The following MYH9 variants were observed in gnomAD, a reference collection of about 807,000 sequenced individuals.
The protein encoded by MYH9 is myosin heavy chain 9, also known as myosin-9.
A neutral mutation model predicts 241.9 loss-of-function variants in MYH9; 29 were observed. That is an observed-to-expected ratio of 0.12 (90% CI 0.09 to 0.16). MYH9 has a LOEUF of 0.16. MYH9 is among the 10% of genes least tolerant of loss of function. The pLI is 1.00. For synonymous variants in MYH9, 1,047 were observed against 1,062.6 expected (o/e 0.99, Z 0.29); for missense variants, 1,803 against 2,595.5 (o/e 0.69, Z 6.63).
chr22:36,372,117 C>T (rs954194957), intron 1 of MYH9, among the ~76,000 whole-genome samples: 2 of 152,074 alleles, frequency 1.3e-5, no homozygotes, highest in African/African-American at 4.8e-5. Flanking sequence ...CCCCACACCC[C>T]ACTTCCTGTT....
At chr22:36,341,590 T>G in intron 2 of MYH9, 64 bp from the exon 3 acceptor site, 10 of 1,585,174 alleles carry the variant, frequency 6.3e-6, no homozygotes, top group Non-Finnish European at 8.6e-6. Context: ...TGTACAAACT[T>G]TGTAGCAAAA....
chr22:36,376,450 C>T (rs2018168430), intron 1 of MYH9, among the ~76,000 whole-genome samples: 1 of 152,002 alleles, frequency 6.6e-6, no homozygotes, highest in African/African-American at 2.4e-5. Flanking sequence ...AGTATCCCAA[C>T]TCCCTGTTGG....
At chr22:36,379,381 T>C (rs1281295364) in intron 1 of MYH9, among the ~76,000 whole-genome samples, 5 of 151,936 alleles carry the variant, frequency 3.3e-5, no homozygotes, top group African/African-American at 2.4e-5. Context: ...TGGTGGCGGG[T>C]GCCTGTAGTC....
Position 36,289,093 on chromosome 22 carries a change from C to T in MYH9, c.4549G>A (p.Gly1517Ser). 1 of 1,614,114 alleles carries T rather than the reference C, an allele frequency of 6.2e-7. No individual in the cohort carries two copies. The highest frequency in any genetic ancestry group is 1.1e-5 in the South Asian group (1 of 91,084). Reference sequence around the variant, plus strand: ...CCAGGCCCAGGACTCACACTCTTGCCCACATCATCCTTGGAGCTCATAAGG... The same window carrying T: ...CCAGGCCCAGGACTCACACTCTTGCTCACATCATCCTTGGAGCTCATAAGG... The part of the protein sequence containing the change: ...EDLMSSKDDV[G>S]KSVHELEKSK... Residue 1517 changes from glycine to serine, a missense_variant, in exon 32 of 41, where the codon GGC becomes AGC. This residue lies in a region of MYH9 where 876 missense variants were observed against 1,077.8 expected (regional missense o/e 0.81). Transcript: ENST00000216181.
rs553098359 is a variant in MYH9 at position 36,329,646 on chromosome 22, G to A, written c.491-2158C>T. ...ATTCCCCAACCCTTCCAGAGGAACC[G>A]TTTTCCCAGGGCTGTCCCTAGGATG... On this transcript the variant is annotated intron_variant, in intron 3 of 40. Coordinates refer to ENST00000216181, the MANE Select transcript of MYH9 (RefSeq NM_002473.6). This position sits in a 1 kb window ranked among gnomAD's most constrained non-coding sequence, Gnocchi z 4.1. Among the ~76,000 whole-genome samples, 9 of 152,166 alleles carry A rather than the reference G, an allele frequency of 5.9e-5. No homozygotes were observed. Among genetic ancestry groups the A allele is most frequent in the South Asian group, 2.1e-4 (1 of 4,824 alleles).
chr22:36,379,825 G>A (rs915049829), intron 1 of MYH9, among the ~76,000 whole-genome samples: 2 of 152,216 alleles, frequency 1.3e-5, no homozygotes, highest in Non-Finnish European at 2.9e-5. Context: ...TCCAGCGCTT[G>A]GCGGGCTAGC....
chr22:36,291,752 A>T (rs2016708025), intron 31 of MYH9, among the ~76,000 whole-genome samples: 1 of 151,702 alleles, frequency 6.6e-6, no homozygotes, highest in African/African-American at 2.4e-5. Flanking sequence ...AATGTAAAAA[A>T]TCAGAAAGGA....
At chr22:36,377,179 A>T (rs1388535461) in intron 1 of MYH9, among the ~76,000 whole-genome samples, 1 of 151,858 alleles carries the variant, frequency 6.6e-6, no homozygotes, top group Non-Finnish European at 1.5e-5. Flanking sequence ...ATGAAAGAAG[A>T]CCCCGCCTTT....
Position 36,341,356 on chromosome 22 carries a change from A to G in MYH9, c.490+14T>C. 1 of 1,613,280 alleles carries G rather than the reference A, an allele frequency of 6.2e-7. No homozygotes were observed. The highest frequency in any genetic ancestry group is 8.5e-7 in the Non-Finnish European group (1 of 1,179,702). ...AAGATTCAGCCCCAGGTGGGCACAC[A>G]CTACGTCACCCACCTTGCATCATAC... On this transcript the variant is annotated intron_variant, in intron 3 of 40. Coordinates refer to ENST00000216181, the MANE Select transcript of MYH9 (RefSeq NM_002473.6).
chr22:36,304,973 G>A, intron 18 of MYH9, 60 bp downstream of exon 18: 2 of 1,540,150 alleles, frequency 1.3e-6, no homozygotes, highest in South Asian at 2.2e-5. Context: ...CTGGCCACGT[G>A]GGCACTCCCC....
intron 1 of MYH9, among the ~76,000 whole-genome samples, chr22:36,377,400 C>G (rs142264658): frequency 9.9e-5 from 15 of 152,144 alleles, no homozygotes; most frequent in South Asian, 2.1e-4. Flanking sequence ...GCCTCTATCG[C>G]TTTGTAACAG....
intron 1 of MYH9, among the ~76,000 whole-genome samples, chr22:36,379,545 G>A (rs1356757969): frequency 6.6e-6 from 1 of 152,158 alleles, no homozygotes; most frequent in Non-Finnish European, 1.5e-5. Context: ...ACATCATCTT[G>A]GCCTAAGAAG....
At chr22:36,289,330 G>T in intron 31 of MYH9, 33 bp from the exon 32 acceptor site, 1 of 1,578,172 alleles carries the variant, frequency 6.3e-7, no homozygotes. Context: ...GAGGCTCAGA[G>T]CTACGGCCCC....
At chr22:36,383,875 G>A (rs1052325935) in intron 1 of MYH9, among the ~76,000 whole-genome samples, 2 of 151,268 alleles carry the variant, frequency 1.3e-5, no homozygotes, top group African/African-American at 2.4e-5. Context: ...CATGAGAACC[G>A]CTTGAACCCA....
At chr22:36,378,144 T>C (rs1271505379) in intron 1 of MYH9, among the ~76,000 whole-genome samples, 1 of 148,884 alleles carries the variant, frequency 6.7e-6, no homozygotes, top group Admixed American at 6.7e-5. Flanking sequence ...GGCCTGGTGG[T>C]GCACACCTGT....
At chr22:36,384,628 A>G (rs1400399099) in intron 1 of MYH9, among the ~76,000 whole-genome samples, 4 of 94,630 alleles carry the variant, frequency 4.2e-5, no homozygotes, top group African/African-American at 8.1e-5. Context: ...ATATATATAT[A>G]TATATATATA....
In MYH9 at chr22:36,293,375, T is replaced by C. The variant is rs2016737159; in HGVS notation, c.4049A>G (p.Glu1350Gly). 2 of 1,608,996 alleles carry C rather than the reference T, an allele frequency of 1.2e-6. No homozygotes were observed. The highest frequency in any genetic ancestry group is 2.7e-5 in the African/African-American group (2 of 74,948). The change falls in exon 30 of 41, where the codon GAG becomes GGG. Residue 1350 changes from glutamate (E) to glycine (G), a missense_variant. By Grantham distance (98) the Glu-to-Gly change is moderately conservative. This residue lies in a region of MYH9 where 876 missense variants were observed against 1,077.8 expected (regional missense o/e 0.81). Coordinates refer to ENST00000216181, the MANE Select transcript of MYH9 (RefSeq NM_002473.6). The surrounding 1 kb of genome is among the most constrained non-coding windows in gnomAD (Gnocchi z 5.1). ...CTGCTTCTCCAGGTTGTGCTTGGCC[T>C]CCTCCTCCTCCTCCAGCTGCTCCCG... ...SFREQLEEEE[E>G]AKHNLEKQIA...
chr22:36,368,358 C>T (rs1250420762), intron 1 of MYH9, among the ~76,000 whole-genome samples: 1 of 152,174 alleles, frequency 6.6e-6, no homozygotes, highest in Non-Finnish European at 1.5e-5. Context: ...GACACACAGG[C>T]ACTAGCTGCC....
rs755952325 is a variant in MYH9, at chr22:36,306,630, G to GT, written c.1844-24dup. 1 of 1,606,708 alleles carries GT rather than the reference G, an allele frequency of 6.2e-7. No homozygotes were observed. The highest frequency in any genetic ancestry group is 2.2e-5 in the East Asian group (1 of 44,732). Reference sequence around the variant, plus strand: ...CCACTGTGGAGACCACAGAGAACACGTGAGTGCCCACACAGTTGCAGCTGG... The same window carrying GT: ...CCACTGTGGAGACCACAGAGAACACGTTGAGTGCCCACACAGTTGCAGCTGG... On this transcript the variant is annotated intron_variant, in intron 15 of 40. Coordinates refer to ENST00000216181, the MANE Select transcript of MYH9 (RefSeq NM_002473.6). This position sits in a 1 kb window ranked among gnomAD's most constrained non-coding sequence, Gnocchi z 4.1.
Sources: gnomAD v4.1 joint callset for allele counts (sites outside exome capture counted in the v4.1 genomes callset) on GRCh38, gnomAD v4.1.1 for gene constraint, gnomAD v4.1.1 regional missense constraint, Gnocchi (gnomAD v3.1) non-coding constraint, MANE v1.5 for transcripts, NCBI Gene and HGNC (gene_info 2026-07-23, HGNC 2026-07-21) for gene names.